Variants in WDR59 observed in about 807,000 individuals in gnomAD.
WDR59 encodes WD repeat domain 59, also known as GATOR2 complex protein WDR59.
Under a neutral mutation model 131.2 loss-of-function variants are expected in WDR59, and 100 were observed. The ratio of observed to expected loss-of-function variants is 0.76; its 90% CI spans 0.65 to 0.90. WDR59 has a LOEUF of 0.90. WDR59 is among the 40% of genes least tolerant of loss of function. The pLI, the probability that WDR59 is intolerant of heterozygous loss-of-function variation, is 0.00. For synonymous variants in WDR59, 601 were observed against 466.2 expected (o/e 1.29, Z -3.72); for missense variants, 1,203 against 1,262.2 (o/e 0.95, Z 0.71).
At position 74,917,577 on chromosome 16, in the gene WDR59, G is replaced by C. The variant is rs546235203; in HGVS notation, c.966+352C>G. On this transcript the variant is annotated intron_variant, in intron 11 of 25. Coordinates refer to ENST00000262144, the MANE Select transcript of WDR59 (RefSeq NM_030581.4). ...TGATCCCAGCACTGTGGGAGGCTGA[G>C]GCAGGTGGATCACTTGAGGTCAGGA... 1.4e-4 allele frequency among the ~76,000 whole-genome samples: 21 copies of C among 152,242 alleles called. No individual in the cohort carries two copies. The East Asian group carries it at 4.1e-3, about 29-fold the overall frequency.
intron 7 of WDR59, among the ~76,000 whole-genome samples, chr16:74,938,507 T>C (rs1313251536): frequency 2.0e-5 from 3 of 152,128 alleles, no homozygotes; most frequent in Non-Finnish European, 4.4e-5. Flanking sequence ...CCCACTTCAA[T>C]GAAGGATACA....
intron 1 of WDR59, among the ~76,000 whole-genome samples, chr16:74,975,494 C>T (rs2034144735): frequency 6.6e-6 from 1 of 151,652 alleles, no homozygotes; most frequent in African/African-American, 2.4e-5. Flanking sequence ...AAAACCCCGT[C>T]TCTACTAAAA....
chr16:74,893,323 GTTCTACAGCTGCAAGGGTCTGAA>G (rs1157747680), intron 19 of WDR59, among the ~76,000 whole-genome samples: 1 of 152,152 alleles, frequency 6.6e-6, no homozygotes, highest in Non-Finnish European at 1.5e-5. Flanking sequence ...TTACAGATGA[GTTCTACAGCTGCAAGGGTCTGAA>G]TTCTGCTGAC....
intron 25 of WDR59, among the ~76,000 whole-genome samples, chr16:74,881,068 G>T (rs190898692): frequency 6.6e-6 from 1 of 152,152 alleles, no homozygotes; most frequent in Non-Finnish European, 1.5e-5. Context: ...CCACCATTAA[G>T]ACCAAGCGCA....
intron 18 of WDR59, among the ~76,000 whole-genome samples, chr16:74,895,089 A>C (rs1429117478): frequency 1.3e-5 from 2 of 152,224 alleles, no homozygotes; most frequent in Non-Finnish European, 1.5e-5. Flanking sequence ...TGTCCAATGC[A>C]TGTAACTTCC....
Position 74,886,047 on chromosome 16 carries a change from G to A in WDR59, c.2546+223C>T, listed in dbSNP as rs556201290. ...CAAAAAATTAGCCAGTCATGGTGGC[G>A]TGTGCCTGTAATCCCAGCTACTCAG... On this transcript the variant is annotated intron_variant, in intron 24 of 25. Transcript: ENST00000262144. 116 of 657,140 alleles carry A rather than the reference G, an allele frequency of 1.8e-4. 1 individual carries two copies. The highest frequency in any genetic ancestry group is 2.3e-4 in the Non-Finnish European group (93 of 406,214). 40.7% of individuals were successfully genotyped at this position (657,140 alleles called of 1,614,324 possible). A position where few individuals can be genotyped will look rare whatever the true frequency, so the allele number is the denominator to read the frequency against.
chr16:74,979,195 T>C (rs558583738), intron 1 of WDR59: 2 of 152,298 alleles, frequency 1.3e-5, no homozygotes, highest in South Asian at 2.1e-4. Flanking sequence ...ACAGTGATGC[T>C]CTGGGCCAGG....
At chr16:74,876,988 G>A (rs183184712) in intron 25 of WDR59, among the ~76,000 whole-genome samples, 195 of 152,098 alleles carry the variant, frequency 1.3e-3, no homozygotes, top group Non-Finnish European at 2.2e-3. Flanking sequence ...TCTGAGGGAA[G>A]AAGAATGACT....
chr16:74,875,880 G>A lies in WDR59; in HGVS notation c.2690-1436C>T, dbSNP rs9930128. Among the ~76,000 whole-genome samples, 1,293 of 152,156 alleles carry A rather than the reference G, an allele frequency of 8.5e-3. 15 individuals are homozygous for A. Among genetic ancestry groups the A allele is most frequent in the African/African-American group, 0.029 (1,199 of 41,500 alleles). On this transcript the variant is annotated intron_variant, in intron 25 of 25. Transcript: ENST00000262144. ...GAAATGCATCTCACTTCATACACGCGATCACCAACGGACACAACACCTAGC... is the reference window on the plus strand; with the variant it reads ...GAAATGCATCTCACTTCATACACGCAATCACCAACGGACACAACACCTAGC...
In WDR59 at chr16:74,889,755, A is replaced by T; in HGVS notation, c.2143T>A (p.Leu715Met). Residue 715 changes from leucine (L) to methionine (M), a missense_variant, in exon 21 of 26, where the codon TTG becomes ATG. Physicochemically the swap from Leu to Met is conservative, Grantham distance 15. Transcript: ENST00000262144. ...LCLGPKSDPD[L>M]ETPWARHPFG... is the part of the protein sequence containing the mutation. ...GGATGTCGAGCCCAGGGTGTTTCCA[A>T]ATCTGGGTCAGATTTCGGACCAAGG... 6.2e-7 allele frequency: 1 copy of T among 1,614,120 alleles called. No individual in the cohort carries two copies. The highest frequency in any genetic ancestry group is 8.5e-7 in the Non-Finnish European group (1 of 1,180,014).
At chr16:74,924,425 C>T (rs116963479) in intron 8 of WDR59, among the ~76,000 whole-genome samples, 1 of 152,272 alleles carries the variant, frequency 6.6e-6, no homozygotes, top group East Asian at 1.9e-4. Flanking sequence ...ATCTTTGTAA[C>T]AACCATATAT....
At chr16:74,929,859 T>C (rs1757499913) in intron 8 of WDR59, among the ~76,000 whole-genome samples, 1 of 152,192 alleles carries the variant, frequency 6.6e-6, no homozygotes, top group Non-Finnish European at 1.5e-5. Context: ...TGAAAAAGAA[T>C]GCAATCCTAT....
intron 10 of WDR59, among the ~76,000 whole-genome samples, chr16:74,919,745 C>T (rs1275019474): frequency 6.6e-6 from 1 of 152,184 alleles, no homozygotes; most frequent in East Asian, 1.9e-4. Context: ...AAACCAAGGA[C>T]TACTGCTTCC....
intron 18 of WDR59, among the ~76,000 whole-genome samples, chr16:74,897,254 T>C (rs911810515): frequency 6.6e-6 from 1 of 152,222 alleles, no homozygotes; most frequent in African/African-American, 2.4e-5. Context: ...CATGGCTTCA[T>C]AGCGGGGCAG....
rs796124446 is a variant in WDR59 at position 74,983,690 on chromosome 16, T to A, written c.54+1274A>T. Among the ~76,000 whole-genome samples, 129 of 151,864 alleles carry A rather than the reference T, an allele frequency of 8.5e-4. 2 individuals are homozygous for A. The highest frequency in any genetic ancestry group is 2.9e-3 in the African/African-American group (122 of 41,448). ...ACATACAACCACATAAAATCTTCACTCGAGGCTGTGCTCAGTGAATCACAC... is the reference window on the plus strand; with the variant it reads ...ACATACAACCACATAAAATCTTCACACGAGGCTGTGCTCAGTGAATCACAC... On this transcript the variant is annotated intron_variant, in intron 1 of 25. Transcript: ENST00000262144.
intron 1 of WDR59, among the ~76,000 whole-genome samples, chr16:74,968,622 G>A (rs1262806478): frequency 6.6e-6 from 1 of 152,128 alleles, no homozygotes; most frequent in African/African-American, 2.4e-5. Flanking sequence ...TCAGGAGGCT[G>A]AGGTAGGAGG....
In WDR59 at chr16:74,879,274, T is replaced by G. The variant is rs1490160787; in HGVS notation, c.2690-4830A>C. 2.0e-5 allele frequency among the ~76,000 whole-genome samples: 3 copies of G among 152,256 alleles called. No homozygotes were observed. In the East Asian group the frequency reaches 5.8e-4, roughly 29 times the overall value. Reference sequence around the variant, plus strand: ...TTAGGAGACTGTGGTGGGAGGATTGTTGAGCTCAGCAGGTCGAGGCTGCAG... The same window carrying G: ...TTAGGAGACTGTGGTGGGAGGATTGGTGAGCTCAGCAGGTCGAGGCTGCAG... On this transcript the variant is annotated intron_variant, in intron 25 of 25. Coordinates refer to ENST00000262144, the MANE Select transcript of WDR59 (RefSeq NM_030581.4).
intron 21 of WDR59, among the ~76,000 whole-genome samples, chr16:74,888,826 T>TA (rs1304244126): frequency 6.6e-6 from 1 of 152,230 alleles, no homozygotes; most frequent in Admixed American, 6.5e-5. Context: ...GATGAGCTAT[T>TA]AGGTAAGAAC....
At position 74,917,914 on chromosome 16, in the gene WDR59, G is replaced by A. The variant is rs1186851210; in HGVS notation, c.966+15C>T. 2 of 1,607,636 alleles carry A rather than the reference G, an allele frequency of 1.2e-6. No individual in the cohort carries two copies. The highest frequency in any genetic ancestry group is 1.1e-5 in the South Asian group (1 of 90,944). ...GATTCAGGTACATTTCTCCACAATAGCACTGCATACATACCCTCTGCATCT... is the reference window on the plus strand; with the variant it reads ...GATTCAGGTACATTTCTCCACAATAACACTGCATACATACCCTCTGCATCT... On this transcript the variant is annotated intron_variant, in intron 11 of 25. Transcript: ENST00000262144.
Sources: allele counts gnomAD v4.1 joint callset (sites outside exome capture counted in the v4.1 genomes callset), GRCh38; gene constraint gnomAD v4.1.1; transcripts MANE v1.5; gene names NCBI Gene and HGNC (gene_info 2026-07-23, HGNC 2026-07-21).